The following TAOK1 variants were observed in gnomAD, a reference collection of about 807,000 sequenced individuals.
The protein encoded by TAOK1 is TAO kinase 1.
In TAOK1, 21 loss-of-function variants were observed where a neutral mutation model predicts 138.3. The ratio of observed to expected loss-of-function variants is 0.15; its 90% CI spans 0.11 to 0.22. TAOK1 has a LOEUF of 0.22. Ranked by LOEUF, TAOK1 falls within the 10% of genes least tolerant of loss-of-function variation. TAOK1 has a pLI of 1.00. For synonymous variants in TAOK1, 361 were observed against 398.4 expected (o/e 0.91, Z 1.12); for missense variants, 651 against 1,227.7 (o/e 0.53, Z 7.02).
intron 1 of TAOK1, among the ~76,000 whole-genome samples, chr17:29,418,557 G>A (rs906933535): frequency 2.0e-5 from 3 of 151,942 alleles, no homozygotes; most frequent in Admixed American, 6.6e-5. Flanking sequence ...TTGGTTCCAG[G>A]ACCCCTGTGG....
At chr17:29,513,145 A>G (rs1385396193) in intron 15 of TAOK1, 1 of 145,704 alleles carries the variant, frequency 6.9e-6, no homozygotes, top group Non-Finnish European at 1.5e-5. Flanking sequence ...TTTTGATAAA[A>G]TAAGTATAAT....
At chr17:29,391,575 A>C (rs1435153878) in intron 1 of TAOK1, among the ~76,000 whole-genome samples, 1 of 152,188 alleles carries the variant, frequency 6.6e-6, no homozygotes, top group Non-Finnish European at 1.5e-5. Context: ...ACACAGACCC[A>C]TGTATACACA....
Position 29,502,570 on chromosome 17 carries a change from C to CTTT in TAOK1, c.1204-8_1204-6dup. 4 of 1,294,964 alleles carry CTTT rather than the reference C, an allele frequency of 3.1e-6. No homozygotes were observed. Among genetic ancestry groups the CTTT allele is most frequent in the Admixed American group, 2.1e-5 (1 of 48,136 alleles). The allele number at this position is 1,294,964 out of a possible 1,614,324, so 80.2% of individuals were successfully genotyped here. A position where few individuals can be genotyped will look rare whatever the true frequency, so the allele number is the denominator to read the frequency against. Reference sequence around the variant, plus strand: ...AACTGTTCACCTTACATAATATTGTCTTTTTTTTTTTTTCCTAGGAGGAAG... The same window carrying CTTT: ...AACTGTTCACCTTACATAATATTGTCTTTTTTTTTTTTTTTTCCTAGGAGGAAG... On this transcript the variant is annotated intron_variant, in intron 12 of 19. Transcript: ENST00000261716.
At chr17:29,400,308 C>G (rs1904798098) in intron 1 of TAOK1, among the ~76,000 whole-genome samples, 1 of 149,130 alleles carries the variant, frequency 6.7e-6, no homozygotes, top group Non-Finnish European at 1.5e-5. Flanking sequence ...GCAGGAGAAT[C>G]ACTTGAACCA....
chr17:29,521,724 G>A (rs1180279660), intron 16 of TAOK1, among the ~76,000 whole-genome samples: 7 of 152,028 alleles, frequency 4.6e-5, no homozygotes, highest in Non-Finnish European at 1.0e-4. Context: ...CTGGGACTAC[G>A]GGCGCCCGCC....
At chr17:29,392,915 C>T (rs960684691) in intron 1 of TAOK1, among the ~76,000 whole-genome samples, 1 of 152,064 alleles carries the variant, frequency 6.6e-6, no homozygotes, top group Admixed American at 6.6e-5. Context: ...TTAGTAGTAG[C>T]GCTAGGCACT....
intron 1 of TAOK1, among the ~76,000 whole-genome samples, chr17:29,408,460 C>T (rs1233619479): frequency 6.6e-6 from 1 of 152,098 alleles, no homozygotes; most frequent in Non-Finnish European, 1.5e-5. Flanking sequence ...GAGTGATCCG[C>T]TTGCTTTGGC....
rs2032316048 is a variant in TAOK1, at chr17:29,541,491, C to CTA, written c.2545-1069_2545-1068dup. Among the ~76,000 whole-genome samples the CTA allele has an allele frequency of 2.0e-5, 3 of 151,874 alleles. No homozygotes were observed. In the South Asian group the frequency reaches 6.3e-4, roughly 32 times the overall value. On this transcript the variant is annotated intron_variant, in intron 19 of 19. Transcript: ENST00000261716. Reference sequence around the variant, plus strand: ...TTCATAATAATTTTTAAATGCATGTCTAAATTTCCCCTATTATCTCAAATC... The same window carrying CTA: ...TTCATAATAATTTTTAAATGCATGTCTATAAATTTCCCCTATTATCTCAAATC...
chr17:29,520,906 C>T (rs572573071), intron 16 of TAOK1, among the ~76,000 whole-genome samples: 1 of 151,870 alleles, frequency 6.6e-6, no homozygotes, highest in Non-Finnish European at 1.5e-5. Flanking sequence ...TGCCTGTAGT[C>T]CCAGCTACTC....
intron 6 of TAOK1, among the ~76,000 whole-genome samples, chr17:29,478,919 G>A (rs1239832383): frequency 5.3e-5 from 8 of 152,102 alleles, no homozygotes; most frequent in African/African-American, 1.9e-4. Flanking sequence ...TCAGGAGTTC[G>A]AGACCAGCCT....
intron 1 of TAOK1, among the ~76,000 whole-genome samples, chr17:29,423,354 T>A (rs1905518039): frequency 6.6e-6 from 1 of 151,536 alleles, no homozygotes; most frequent in Admixed American, 6.6e-5. Context: ...TAGCTGGGAC[T>A]ACAGGTGCCC....
intron 1 of TAOK1, among the ~76,000 whole-genome samples, chr17:29,432,919 C>G (rs1344637842): frequency 1.3e-5 from 2 of 152,070 alleles, no homozygotes; most frequent in Admixed American, 6.6e-5. Context: ...GCCACCACAC[C>G]TGGCTAATTT....
chr17:29,399,126 A>C (rs1904758103), intron 1 of TAOK1, among the ~76,000 whole-genome samples: 1 of 151,512 alleles, frequency 6.6e-6, no homozygotes, highest in East Asian at 1.9e-4. Context: ...AGCTAGGACT[A>C]CAGGCAAATG....
rs1231577969 is a variant in TAOK1, at chr17:29,451,610, A to G, written c.62A>G (p.Lys21Arg). The G allele has an allele frequency of 1.9e-6, 3 of 1,614,058 alleles. No individual in the cohort carries two copies. The highest frequency in any genetic ancestry group is 1.7e-6 in the Non-Finnish European group (2 of 1,179,976). ...KDPEIAELFF[K>R]EDPEKLFTDL... is the part of the protein sequence containing the mutation. ...CCTGAAATTGCAGAGCTCTTCTTCA[A>G]AGAAGATCCAGAGAAGCTCTTCACA... The change falls in exon 2 of 20, where the codon AAA becomes AGA. Residue 21 changes from lysine (K) to arginine (R), a missense_variant. Lys to Arg is a conservative substitution (Grantham distance 26). Coordinates refer to ENST00000261716, the MANE Select transcript of TAOK1 (RefSeq NM_020791.4).
intron 1 of TAOK1, among the ~76,000 whole-genome samples, chr17:29,422,771 A>AAT: frequency 6.6e-6 from 1 of 152,294 alleles, no homozygotes; most frequent in African/African-American, 2.4e-5. Flanking sequence ...CACGCCTATA[A>AAT]TCCCAGCACT....
chr17:29,497,664 A>C (rs2153028164), intron 11 of TAOK1, among the ~76,000 whole-genome samples: 1 of 149,886 alleles, frequency 6.7e-6, no homozygotes, highest in South Asian at 2.1e-4. Flanking sequence ...ATGTTAAATT[A>C]TTTGGTGGTA....
intron 19 of TAOK1, among the ~76,000 whole-genome samples, chr17:29,537,086 A>G (rs544917681): frequency 1.3e-5 from 2 of 152,302 alleles, no homozygotes; most frequent in African/African-American, 2.4e-5. Context: ...ACTCCCTATA[A>G]TATTTCAAGA....
chr17:29,531,329 A>G (rs924403513), intron 18 of TAOK1, among the ~76,000 whole-genome samples: 1 of 151,592 alleles, frequency 6.6e-6, no homozygotes, highest in Non-Finnish European at 1.5e-5. Context: ...CCCAGGCTGC[A>G]TTGCAGTAGT....
In TAOK1 at chr17:29,494,700, C is replaced by T. The variant is rs529692355; in HGVS notation, c.832-860C>T. Among the ~76,000 whole-genome samples the T allele has an allele frequency of 2.6e-5, 4 of 151,932 alleles. No homozygotes were observed. In the South Asian group the frequency reaches 8.3e-4, roughly 32 times the overall value. On this transcript the variant is annotated intron_variant, in intron 10 of 19. Coordinates refer to ENST00000261716, the MANE Select transcript of TAOK1 (RefSeq NM_020791.4). Reference sequence around the variant, plus strand: ...AATTAGCCGGGTGTGGTGGCGGGCTCCTCTAGTCCTAGCTACTTGGGAGGC... The same window carrying T: ...AATTAGCCGGGTGTGGTGGCGGGCTTCTCTAGTCCTAGCTACTTGGGAGGC...
Sources: gnomAD v4.1 joint callset for allele counts (sites outside exome capture counted in the v4.1 genomes callset) on GRCh38, gnomAD v4.1.1 for gene constraint, MANE v1.5 for transcripts, NCBI Gene and HGNC (gene_info 2026-07-23, HGNC 2026-07-21) for gene names.